Variants in ST18 observed in about 807,000 individuals in gnomAD.
ST18 encodes suppression of tumorigenicity 18 protein.
A neutral mutation model predicts 110.0 loss-of-function variants in ST18; 50 were observed. That is an observed-to-expected ratio of 0.45 (90% confidence interval 0.36 to 0.58). The LOEUF (loss-of-function observed/expected upper bound fraction) is 0.58. Among genes scored for constraint, ST18 ranks in the 20% least tolerant of loss-of-function variants. The probability of loss-of-function intolerance (pLI) is 0.00; values close to 1 mark genes in which losing one functional copy is unlikely to be tolerated. For missense variants in ST18, 1,306 were observed against 1,280.1 expected (o/e 1.02, Z -0.31); for synonymous variants, 461 against 452.4 (o/e 1.02, Z -0.24).
intron 19 of ST18, 30 bp downstream of exon 19, chr8:52,136,560 G>T: frequency 6.3e-7 from 1 of 1,595,656 alleles, no homozygotes. Context: ...TGTGGATGAA[G>T]GGCAAGCCGG....
rs765135070 is a variant in ST18, at chr8:52,116,302, G to T, written c.2976C>A (p.Ser992Arg). ...TCTGTGGAAGCTGGATGTCAGCAAG[G>T]CTTGAAATGAGAGCTTGGCTTAGAC... Reference protein sequence around the residue: ...LAGLSQALISSLADIQLPQMG... With the variant: ...LAGLSQALISRLADIQLPQMG... Residue 992 changes from serine to arginine, a missense_variant, in exon 25 of 26, where the codon AGC becomes AGA. Physicochemically the swap from Ser to Arg is moderately radical, Grantham distance 110 (BLOSUM62 -1). Coordinates refer to ENST00000689386, the MANE Select transcript of ST18 (RefSeq NM_001352837.2). 3.7e-6 allele frequency: 6 copies of T among 1,613,872 alleles called. No individual in the cohort carries two copies. The highest frequency in any genetic ancestry group is 5.1e-6 in the Non-Finnish European group (6 of 1,179,908).
intron 8 of ST18, among the ~76,000 whole-genome samples, chr8:52,183,787 G>A (rs546691111): frequency 6.6e-6 from 1 of 152,050 alleles, no homozygotes; most frequent in African/African-American, 2.4e-5. Context: ...AGAGATTTAC[G>A]CAATGCATGT....
intron 9 of ST18, among the ~76,000 whole-genome samples, chr8:52,175,110 G>A (rs552751005): frequency 2.6e-5 from 4 of 152,148 alleles, no homozygotes; most frequent in South Asian, 2.1e-4. Context: ...GTGGGGCTGC[G>A]TCACCTGCCT....
intron 2 of ST18, among the ~76,000 whole-genome samples, chr8:52,388,401 CACA>C (rs1433157391): frequency 6.6e-6 from 1 of 152,042 alleles, no homozygotes; most frequent in Non-Finnish European, 1.5e-5. Flanking sequence ...CTCCCACTTC[CACA>C]ACAAGCCTCA....
intron 2 of ST18, among the ~76,000 whole-genome samples, chr8:52,234,727 T>C (rs201630369): frequency 9.3e-6 from 1 of 107,944 alleles, no homozygotes; most frequent in South Asian, 2.9e-4. Context: ...AAAGAAACTA[T>C]GGTGTGTGTG....
At chr8:52,283,182 G>C (rs2095414847) in intron 2 of ST18, among the ~76,000 whole-genome samples, 1 of 152,206 alleles carries the variant, frequency 6.6e-6, no homozygotes, top group African/African-American at 2.4e-5. Flanking sequence ...TGGCTCCAAA[G>C]TTTTGGGCTT....
At chr8:52,176,024 A>T (rs1347841994) in intron 9 of ST18, among the ~76,000 whole-genome samples, 1 of 150,636 alleles carries the variant, frequency 6.6e-6, no homozygotes, top group Non-Finnish European at 1.5e-5. Context: ...TTGTCAGCTA[A>T]CTCTTTTTTT....
intron 22 of ST18, among the ~76,000 whole-genome samples, chr8:52,126,391 T>C (rs1444243867): frequency 3.9e-5 from 6 of 152,256 alleles, no homozygotes; most frequent in Non-Finnish European, 8.8e-5. Flanking sequence ...ACACAATTAT[T>C]ATTTAATTTA....
intron 2 of ST18, among the ~76,000 whole-genome samples, chr8:52,284,348 T>A (rs1048402328): frequency 6.6e-6 from 1 of 151,996 alleles, no homozygotes; most frequent in African/African-American, 2.4e-5. Context: ...AAGGGCTAGG[T>A]TTTGGAAAGA....
At chr8:52,380,589 T>C (rs1004927617) in intron 2 of ST18, among the ~76,000 whole-genome samples, 3 of 152,170 alleles carry the variant, frequency 2.0e-5, no homozygotes, top group Admixed American at 6.5e-5. Context: ...TCTATCTTTG[T>C]GTAAAACATT....
chr8:52,140,105 G>A (rs1444597400), intron 17 of ST18, among the ~76,000 whole-genome samples: 4 of 152,164 alleles, frequency 2.6e-5, no homozygotes, highest in African/African-American at 9.7e-5. Context: ...TCAAGGTACT[G>A]TTAGAAACAC....
At chr8:52,117,409 T>C (rs1048348467) in intron 24 of ST18, among the ~76,000 whole-genome samples, 6 of 152,182 alleles carry the variant, frequency 3.9e-5, no homozygotes, top group African/African-American at 1.4e-4. Context: ...TACAACACCA[T>C]TGATCATTTA....
intron 16 of ST18, among the ~76,000 whole-genome samples, chr8:52,149,411 T>C (rs1464258543): frequency 6.6e-6 from 1 of 152,250 alleles, no homozygotes; most frequent in Non-Finnish European, 1.5e-5. Flanking sequence ...GGCATTTCAA[T>C]GTTGAGCAAT....
intron 8 of ST18, chr8:52,201,105 C>T (rs988401778): frequency 6.6e-6 from 1 of 152,314 alleles, no homozygotes; most frequent in Non-Finnish European, 1.5e-5. Flanking sequence ...GAGAAACCAG[C>T]AAGGAGACCT....
At chr8:52,158,768 T>C (rs2060640982) in intron 15 of ST18, 130 bp downstream of exon 15, 7 of 1,075,566 alleles carry the variant, frequency 6.5e-6, no homozygotes, top group African/African-American at 4.7e-5. Flanking sequence ...AGCCTCTTCC[T>C]GAGACAGGGA....
rs115854867 is a variant in ST18 at position 52,353,079 on chromosome 8, C to T, written c.-465+56249G>A. Among the ~76,000 whole-genome samples, 378 of 152,232 alleles carry T rather than the reference C, an allele frequency of 2.5e-3. 3 individuals are homozygous for T. Among genetic ancestry groups the T allele is most frequent in the African/African-American group, 8.4e-3 (350 of 41,528 alleles). On this transcript the variant is annotated intron_variant, in intron 2 of 25. Transcript: ENST00000689386. ...CACAAATAGGCAGTGCACAGTGATC[C>T]AGCATCAAGGGGTTTGTCGTATATC...
intron 2 of ST18, chr8:52,393,690 C>G (rs1268264476): frequency 6.6e-6 from 1 of 152,008 alleles, no homozygotes; most frequent in African/African-American, 2.4e-5. Flanking sequence ...TGAGACCAGC[C>G]TGGCCAACAT....
At chr8:52,154,355 A>G (rs571265033) in intron 15 of ST18, 3 of 152,322 alleles carry the variant, frequency 2.0e-5, no homozygotes, top group Admixed American at 2.0e-4. Context: ...AGCAAGTGTC[A>G]ATTTTTTGTT....
At chr8:52,399,547 C>T (rs534753625) in intron 2 of ST18, among the ~76,000 whole-genome samples, 2 of 150,226 alleles carry the variant, frequency 1.3e-5, no homozygotes, top group African/African-American at 4.9e-5. Context: ...GATCTTTCTT[C>T]TTTTTTAATG....
Sources: allele counts gnomAD v4.1 joint callset (sites outside exome capture counted in the v4.1 genomes callset), GRCh38; gene constraint gnomAD v4.1.1; transcripts MANE v1.5; gene names NCBI Gene and HGNC (gene_info 2026-07-23, HGNC 2026-07-21).